AMOTL1: variants seen among roughly 807,000 people sequenced by gnomAD.
AMOTL1 encodes angiomotin-like protein 1.
A neutral mutation model predicts 102.9 loss-of-function variants in AMOTL1; 45 were observed. The observed-to-expected ratio is 0.44, with a 90% CI of 0.34 to 0.56. The LOEUF (loss-of-function observed/expected upper bound fraction) is 0.56, where lower values mean the gene tolerates loss of function less well. AMOTL1 is among the 20% of genes least tolerant of loss of function. The probability of loss-of-function intolerance (pLI) is 0.01; values close to 1 mark genes in which losing one functional copy is unlikely to be tolerated. For missense variants in AMOTL1, 1,114 were observed against 1,225.6 expected (o/e 0.91, Z 1.36); for synonymous variants, 481 against 484.7 (o/e 0.99, Z 0.10).
intron 2 of AMOTL1, chr11:94,740,200 A>G (rs1950497994): frequency 6.6e-6 from 1 of 152,348 alleles, no homozygotes; most frequent in Admixed American, 6.5e-5. Context: ...ATTGGGGGGC[A>G]TTTGGGTCTC....
intron 3 of AMOTL1, among the ~76,000 whole-genome samples, chr11:94,811,106 G>A (rs1476452370): frequency 6.6e-6 from 1 of 152,182 alleles, no homozygotes; most frequent in Non-Finnish European, 1.5e-5. Flanking sequence ...CTGAACTGCA[G>A]CATGGGGCAA....
intron 8 of AMOTL1, among the ~76,000 whole-genome samples, chr11:94,854,312 G>C (rs569610270): frequency 1.3e-5 from 2 of 152,294 alleles, no homozygotes; most frequent in South Asian, 2.1e-4. Flanking sequence ...CTTGGGGCTG[G>C]GGAGAGCGGA....
At chr11:94,809,833 A>G (rs1951639357) in intron 3 of AMOTL1, among the ~76,000 whole-genome samples, 2 of 148,942 alleles carry the variant, frequency 1.3e-5, no homozygotes, top group Admixed American at 7.0e-5. Flanking sequence ...AACTTGAAAA[A>G]GCATTTGGCT....
At chr11:94,735,100 G>C (rs1018537486) in intron 2 of AMOTL1, among the ~76,000 whole-genome samples, 2 of 152,170 alleles carry the variant, frequency 1.3e-5, no homozygotes, top group African/African-American at 4.8e-5. Context: ...GTAACCCCTG[G>C]GGGCCCCTTG....
Position 94,870,980 on chromosome 11 carries a change from A to T in AMOTL1, c.*185A>T. ...AAAACTACATGACTGAAGATAGAAG[A>T]GAATGCGATGGATTTTATTACACAT... On this transcript the variant is annotated 3_prime_UTR_variant, in exon 13 of 13. Coordinates refer to ENST00000433060, the MANE Select transcript of AMOTL1 (RefSeq NM_130847.3). The T allele has an allele frequency of 2.0e-6, 1 of 494,672 alleles. No homozygotes were observed. Among genetic ancestry groups the T allele is most frequent in the South Asian group, 4.4e-5 (1 of 22,488 alleles). The allele number at this position is 494,672 out of a possible 1,614,324, so 30.6% of individuals were successfully genotyped here. A position where few individuals can be genotyped will look rare whatever the true frequency, so the allele number is the denominator to read the frequency against.
At chr11:94,767,343 G>C (rs958447393), upstream of AMOTL1, among the ~76,000 whole-genome samples, 1 of 152,132 alleles carries the variant, frequency 6.6e-6, no homozygotes. Flanking sequence ...CCCATCAGGG[G>C]AATCAGAATC....
At chr11:94,864,680 T>C (rs1299232052) in intron 9 of AMOTL1, 55 bp from the exon 10 acceptor site, 7 of 1,582,324 alleles carry the variant, frequency 4.4e-6, no homozygotes, top group South Asian at 2.4e-5. Flanking sequence ...TCTGTTTGCA[T>C]TGAGACAAAG....
In AMOTL1 at chr11:94,811,456, A is replaced by G. The variant is rs144765869; in HGVS notation, c.1122-10074A>G. On this transcript the variant is annotated intron_variant, in intron 3 of 12. Transcript: ENST00000433060. ...GTTGCAGTAAGTCAAGATTAATGCC[A>G]CTGCACTCCAGCCTGGGCGACAGAG... 4.1e-3 allele frequency among the ~76,000 whole-genome samples: 631 copies of G among 152,112 alleles called. 12 individuals are homozygous for G. The highest frequency in any genetic ancestry group is 0.035 in the South Asian group (167 of 4,806).
At chr11:94,853,820 G>C (rs571851426) in intron 7 of AMOTL1, 113 bp from the exon 8 acceptor site, 5 of 1,244,478 alleles carry the variant, frequency 4.0e-6, no homozygotes, top group Non-Finnish European at 5.6e-6. Context: ...TGGGAGGTAC[G>C]TGCACCTGTA....
chr11:94,707,250 C>CTG (rs71459746), intron 1 of AMOTL1, among the ~76,000 whole-genome samples: 192 of 71,794 alleles, frequency 2.7e-3, no homozygotes, highest in African/African-American at 6.8e-3. Flanking sequence ...CTCTCTCTCT[C>CTG]TGTGTGTGTG....
intron 1 of AMOTL1, among the ~76,000 whole-genome samples, chr11:94,723,922 T>C (rs985389380): frequency 6.6e-6 from 1 of 152,128 alleles, no homozygotes; most frequent in African/African-American, 2.4e-5. Context: ...AAATAACTTT[T>C]CAAGCTTAGA....
At chr11:94,819,219 G>A (rs535485451) in intron 3 of AMOTL1, among the ~76,000 whole-genome samples, 2 of 152,066 alleles carry the variant, frequency 1.3e-5, no homozygotes, top group African/African-American at 2.4e-5. Flanking sequence ...TCAGAACCCC[G>A]AAATCAGTAA....
intron 8 of AMOTL1, among the ~76,000 whole-genome samples, chr11:94,857,410 G>A (rs574387054): frequency 2.0e-5 from 3 of 152,286 alleles, no homozygotes; most frequent in South Asian, 4.1e-4. Context: ...TTATTGAAGG[G>A]GGGTGGAGAG....
intron 6 of AMOTL1, among the ~76,000 whole-genome samples, chr11:94,848,196 C>T (rs1344622652): frequency 6.6e-6 from 1 of 152,184 alleles, no homozygotes; most frequent in Admixed American, 6.5e-5. Context: ...ACGGGCAGCG[C>T]TAGTGGGCTG....
At chr11:94,866,501 G>GACCAGTTGTATGACGGCTCC (rs1351839516) in intron 11 of AMOTL1, 1 of 309,716 alleles carries the variant, frequency 3.2e-6, no homozygotes, top group African/African-American at 2.2e-5. Flanking sequence ...CTCTGCTCTA[G>GACCAGTTGTATGACGGCTCC]ACCAGTTGTA....
At chr11:94,729,197 T>C in intron 2 of AMOTL1, 1 of 499,552 alleles carries the variant, frequency 2.0e-6, no homozygotes, top group Non-Finnish European at 3.2e-6. Flanking sequence ...GAATGGACTT[T>C]GAAGTCAGAC....
intron 4 of AMOTL1, among the ~76,000 whole-genome samples, chr11:94,826,861 C>T (rs1951975776): frequency 6.6e-6 from 1 of 152,154 alleles, no homozygotes; most frequent in African/African-American, 2.4e-5. Flanking sequence ...TAGGAATTAC[C>T]TTGTTCTGAA....
chr11:94,787,346 AGGTT>A (rs1462413859), intron 1 of AMOTL1, among the ~76,000 whole-genome samples: 1 of 152,102 alleles, frequency 6.6e-6, no homozygotes, highest in Non-Finnish European at 1.5e-5. Flanking sequence ...TATTTGCACA[AGGTT>A]GGTGCCAAGG....
At position 94,794,489 on chromosome 11, in the gene AMOTL1, A is replaced by G. The variant is rs377191425; in HGVS notation, c.50-522A>G. Among the ~76,000 whole-genome samples the G allele has an allele frequency of 5.4e-4, 82 of 152,344 alleles. 2 individuals carry two copies. The highest frequency in any genetic ancestry group is 1.9e-3 in the African/African-American group (78 of 41,574). ...CCCCATTGCCCCAGCTCCACACTGT[A>G]ACATTAGACTCCAGAAGTCTTTGAG... On this transcript the variant is annotated intron_variant, in intron 1 of 12. Transcript: ENST00000433060.
Sources: allele counts gnomAD v4.1 joint callset (sites outside exome capture counted in the v4.1 genomes callset), GRCh38; gene constraint gnomAD v4.1.1; transcripts MANE v1.5; gene names NCBI Gene and HGNC (gene_info 2026-07-23, HGNC 2026-07-21).